ELMO1: variants seen among roughly 807,000 people sequenced by gnomAD.
The protein encoded by ELMO1 is engulfment and cell motility protein 1.
ELMO1 carries 26 observed loss-of-function variants against 98.9 expected under a neutral mutation model. The observed-to-expected ratio is 0.26, with a 90% CI of 0.19 to 0.36. ELMO1 has a LOEUF of 0.36. ELMO1 is among the 10% of genes least tolerant of loss of function. The pLI is 1.00. For missense variants in ELMO1, 627 were observed against 935.2 expected (o/e 0.67, Z 4.30); for synonymous variants, 346 against 346.0 (o/e 1.00, Z 0.00).
intron 6 of ELMO1, among the ~76,000 whole-genome samples, chr7:37,252,165 T>C (rs1795384536): frequency 6.6e-6 from 1 of 152,190 alleles, no homozygotes; most frequent in Non-Finnish European, 1.5e-5. Flanking sequence ...CCCAAAGTAA[T>C]TTATAGATTC....
intron 4 of ELMO1, among the ~76,000 whole-genome samples, chr7:37,274,062 C>A (rs1315930779): frequency 2.0e-5 from 3 of 152,254 alleles, no homozygotes; most frequent in African/African-American, 7.2e-5. Flanking sequence ...AGAGCATCCC[C>A]TGATGCACTG....
At chr7:37,180,273 C>A (rs1790764874) in intron 13 of ELMO1, among the ~76,000 whole-genome samples, 1 of 152,134 alleles carries the variant, frequency 6.6e-6, no homozygotes. Context: ...CGTGCCATCA[C>A]TGGTTTTTGT....
intron 1 of ELMO1, among the ~76,000 whole-genome samples, chr7:37,366,044 A>C (rs1012013511): frequency 6.6e-6 from 1 of 152,222 alleles, no homozygotes; most frequent in African/African-American, 2.4e-5. Flanking sequence ...CAAGTTTATT[A>C]AAATGACCTA....
intron 6 of ELMO1, among the ~76,000 whole-genome samples, chr7:37,256,556 AAG>A (rs1387119315): frequency 9.6e-5 from 4 of 41,884 alleles, no homozygotes; most frequent in African/African-American, 7.4e-4. Context: ...GGAAGAAAGG[AAG>A]GAAGGAAGGA....
At chr7:36,914,336 A>C (rs1012897813) in intron 16 of ELMO1, among the ~76,000 whole-genome samples, 1 of 152,214 alleles carries the variant, frequency 6.6e-6, no homozygotes, top group Admixed American at 6.5e-5. Context: ...ACTGCAAACT[A>C]AACGTCCTTT....
chr7:37,206,480 C>A (rs1052966854), intron 13 of ELMO1, among the ~76,000 whole-genome samples: 4 of 152,120 alleles, frequency 2.6e-5, no homozygotes, highest in Admixed American at 6.5e-5. Flanking sequence ...AGGATGGGGA[C>A]AGAGATAGAG....
intron 6 of ELMO1, among the ~76,000 whole-genome samples, chr7:37,252,220 A>G (rs1795387840): frequency 6.6e-6 from 1 of 152,212 alleles, no homozygotes; most frequent in Admixed American, 6.5e-5. Flanking sequence ...TCACAGAATT[A>G]GAAAAAACTA....
intron 8 of ELMO1, among the ~76,000 whole-genome samples, chr7:37,230,220 C>T (rs571759090): frequency 1.3e-5 from 2 of 152,268 alleles, no homozygotes; most frequent in Non-Finnish European, 2.9e-5. Context: ...TTCTGCCTTC[C>T]TGAGGTAATA....
At chr7:36,871,732 AG>A (rs1386595011) in intron 19 of ELMO1, among the ~76,000 whole-genome samples, 2 of 152,218 alleles carry the variant, frequency 1.3e-5, no homozygotes, top group African/African-American at 2.4e-5. Context: ...AACAATAGAC[AG>A]GAAGGCCTCA....
intron 2 of ELMO1, among the ~76,000 whole-genome samples, chr7:37,328,180 C>T (rs1359000147): frequency 2.0e-5 from 3 of 151,912 alleles, no homozygotes; most frequent in Non-Finnish European, 2.9e-5. Flanking sequence ...CTCAAGAGTT[C>T]GAGACCAGCC....
chr7:37,257,673 C>T (rs1584882161), intron 6 of ELMO1, among the ~76,000 whole-genome samples: 1 of 151,508 alleles, frequency 6.6e-6, no homozygotes. Flanking sequence ...CAAGACCAGC[C>T]TGGCCAACGT....
At chr7:37,138,882 A>T (rs1181460192) in intron 13 of ELMO1, among the ~76,000 whole-genome samples, 1 of 152,242 alleles carries the variant, frequency 6.6e-6, no homozygotes, top group Non-Finnish European at 1.5e-5. Context: ...CACCATGATC[A>T]AGTGGGTTTC....
chr7:37,023,029 C>T (rs1794363943), intron 15 of ELMO1, among the ~76,000 whole-genome samples: 1 of 152,230 alleles, frequency 6.6e-6, no homozygotes, highest in Middle Eastern at 3.4e-3. Context: ...GGATATGATC[C>T]TATTTATTTA....
chr7:37,414,667 T>C (rs2131509148), intron 1 of ELMO1, among the ~76,000 whole-genome samples: 1 of 152,344 alleles, frequency 6.6e-6, no homozygotes, highest in Non-Finnish European at 1.5e-5. Flanking sequence ...ATCAATCTAA[T>C]TCTGTAACTC....
intron 15 of ELMO1, among the ~76,000 whole-genome samples, chr7:37,062,420 G>C (rs540081278): frequency 6.6e-6 from 1 of 152,254 alleles, no homozygotes; most frequent in South Asian, 2.1e-4. Context: ...CAGAAAGCCT[G>C]TCAAAACCAG....
At chr7:37,174,610 A>G (rs1790399421) in intron 13 of ELMO1, among the ~76,000 whole-genome samples, 1 of 151,968 alleles carries the variant, frequency 6.6e-6, no homozygotes, top group African/African-American at 2.4e-5. Context: ...CTTAAGTGTC[A>G]CTCCTGGCTA....
At chr7:37,148,408 T>C (rs1788139636) in intron 13 of ELMO1, among the ~76,000 whole-genome samples, 2 of 152,226 alleles carry the variant, frequency 1.3e-5, no homozygotes, top group Admixed American at 6.5e-5. Flanking sequence ...AATTTACTCT[T>C]AGAAAAGGCC....
intron 4 of ELMO1, among the ~76,000 whole-genome samples, chr7:37,302,558 C>A (rs960310010): frequency 6.6e-6 from 1 of 152,056 alleles, no homozygotes; most frequent in Non-Finnish European, 1.5e-5. Context: ...TGAGCCCAGT[C>A]TTTGAGGCAT....
chr7:37,250,861 G>C (rs1364030716), intron 6 of ELMO1, among the ~76,000 whole-genome samples: 1 of 150,890 alleles, frequency 6.6e-6, no homozygotes, highest in South Asian at 2.1e-4. Context: ...ACTTTTGTTC[G>C]CAGTTGACTT....
Sources: allele counts gnomAD v4.1 joint callset (sites outside exome capture counted in the v4.1 genomes callset), GRCh38; gene constraint gnomAD v4.1.1; transcripts MANE v1.5; gene names NCBI Gene and HGNC (gene_info 2026-07-23, HGNC 2026-07-21).